AKAP13: variants seen among roughly 807,000 people sequenced by gnomAD.
AKAP13 encodes the protein A-kinase anchor protein 13.
AKAP13 carries 80 observed loss-of-function variants against 264.5 expected under a neutral mutation model. That is an observed-to-expected ratio of 0.30 (90% CI 0.25 to 0.36). The LOEUF (loss-of-function observed/expected upper bound fraction) is 0.36. Ranked by LOEUF, AKAP13 falls within the 10% of genes least tolerant of loss-of-function variation. The pLI, the probability that AKAP13 is intolerant of heterozygous loss-of-function variation, is 1.00. For missense variants in AKAP13, 3,712 were observed against 3,435.2 expected, an observed-to-expected ratio of 1.08 and a Z score of -2.01; for synonymous variants, 1,380 against 1,250.2, an observed-to-expected ratio of 1.10 and a Z score of -2.19.
chr15:85,635,685 T>G (rs2082042518), intron 8 of AKAP13, among the ~76,000 whole-genome samples: 1 of 152,202 alleles, frequency 6.6e-6, no homozygotes, highest in South Asian at 2.1e-4. Context: ...TTTATAGTTT[T>G]AGGTTGAACA....
chr15:85,498,066 G>A (rs939201277), intron 2 of AKAP13, among the ~76,000 whole-genome samples: 2 of 152,056 alleles, frequency 1.3e-5, no homozygotes, highest in Admixed American at 6.5e-5. Context: ...GAGGGTTTTA[G>A]TGTGAGGGAC....
At chr15:85,553,538 T>A (rs1367726923) in intron 5 of AKAP13, among the ~76,000 whole-genome samples, 1 of 152,254 alleles carries the variant, frequency 6.6e-6, no homozygotes, top group Non-Finnish European at 1.5e-5. Context: ...GAAAACTCTT[T>A]AGTTGTTTTT....
Position 85,682,179 on chromosome 15 carries a change from C to T in AKAP13, c.5123C>T (p.Thr1708Ile), listed in dbSNP as rs1457991446. 2 of 1,613,542 alleles carry T rather than the reference C, an allele frequency of 1.2e-6. No homozygotes were observed. The highest frequency in any genetic ancestry group is 8.5e-7 in the Non-Finnish European group (1 of 1,179,942). ...GLDNSRPFHS[T>I]FHNTSANLTE... ...CTAGATTCACGGCCCTTCCACAGTACCTTCCACAATACCAGTGCTAATCTG... is the reference window on the plus strand; with the variant it reads ...CTAGATTCACGGCCCTTCCACAGTATCTTCCACAATACCAGTGCTAATCTG... Residue 1708 changes from threonine to isoleucine, a missense_variant, in exon 15 of 37, where the codon ACC (threonine) becomes ATC (isoleucine). Physicochemically the swap from Thr to Ile is moderately conservative, Grantham distance 89. Transcript: ENST00000394518.
chr15:85,489,214 G>A (rs1329244297), intron 2 of AKAP13, among the ~76,000 whole-genome samples: 1 of 152,176 alleles, frequency 6.6e-6, no homozygotes, highest in East Asian at 1.9e-4. Flanking sequence ...TGTAAACCTT[G>A]TTAAGCTTTA....
rs776632822 is a variant in AKAP13, at chr15:85,727,054, C to G, written c.6823-12C>G. On this transcript the variant is annotated splice_polypyrimidine_tract_variant and intron_variant, in intron 27 of 36. Coordinates refer to ENST00000394518, the MANE Select transcript of AKAP13 (RefSeq NM_007200.5). This position sits in a 1 kb window ranked among gnomAD's most constrained non-coding sequence, Gnocchi z 5.3. ...ATATGTATCTTTTATTTGCCCTCTTCCCTTTTTCCAGGACCAGAAGTCAAC... is the reference window on the plus strand; with the variant it reads ...ATATGTATCTTTTATTTGCCCTCTTGCCTTTTTCCAGGACCAGAAGTCAAC... 6.2e-7 allele frequency: 1 copy of G among 1,613,966 alleles called. No individual in the cohort carries two copies.
At chr15:85,432,959 A>T (rs1030182647) in intron 1 of AKAP13, among the ~76,000 whole-genome samples, 31 of 152,144 alleles carry the variant, frequency 2.0e-4, no homozygotes, top group East Asian at 7.7e-4. Flanking sequence ...AAGAAAAAAA[A>T]ATATACACCC....
At chr15:85,411,825 A>C (rs1231405760) in intron 1 of AKAP13, among the ~76,000 whole-genome samples, 1 of 152,226 alleles carries the variant, frequency 6.6e-6, no homozygotes, top group East Asian at 1.9e-4. Flanking sequence ...GTTATTTGGC[A>C]GATACCTTCT....
Position 85,473,182 on chromosome 15 carries a change from A to C in AKAP13, c.-11-12528A>C, listed in dbSNP as rs567945863. Among the ~76,000 whole-genome samples, 4 of 152,302 alleles carry C rather than the reference A, an allele frequency of 2.6e-5. No homozygotes were observed. In the South Asian group the frequency reaches 8.3e-4, roughly 32 times the overall value. On this transcript the variant is annotated intron_variant, in intron 1 of 36. Coordinates refer to ENST00000394518, the MANE Select transcript of AKAP13 (RefSeq NM_007200.5). ...AAATTAATTTAGGGAAAAAAGACTG[A>C]AGATTTCAAGGTACGGGGTCCTAAA... is the stretch of plus-strand genomic sequence containing the variant.
intron 9 of AKAP13, among the ~76,000 whole-genome samples, chr15:85,644,483 C>T (rs141108516): frequency 2.4e-3 from 367 of 151,378 alleles, no homozygotes; most frequent in Middle Eastern, 0.01. Context: ...GCAGGTGATC[C>T]GCCTGCCTCA....
intron 5 of AKAP13, among the ~76,000 whole-genome samples, chr15:85,573,005 T>G (rs1290694029): frequency 6.6e-6 from 1 of 152,218 alleles, no homozygotes; most frequent in African/African-American, 2.4e-5. Flanking sequence ...GAACTCATCC[T>G]TTTTTATGGC....
intron 2 of AKAP13, among the ~76,000 whole-genome samples, chr15:85,498,047 A>G (rs2075923135): frequency 6.6e-6 from 1 of 151,968 alleles, no homozygotes; most frequent in Non-Finnish European, 1.5e-5. Flanking sequence ...GAGCCACAGA[A>G]TGGCCACTGA....
intron 4 of AKAP13, chr15:85,535,151 A>T (rs2077350512): frequency 6.6e-6 from 1 of 152,240 alleles, no homozygotes; most frequent in Non-Finnish European, 1.5e-5. Context: ...CCCACAGGTG[A>T]GCAGTTCCTG....
chr15:85,492,443 C>A (rs1223537280), intron 2 of AKAP13, among the ~76,000 whole-genome samples: 3 of 152,200 alleles, frequency 2.0e-5, no homozygotes, highest in African/African-American at 7.2e-5. Context: ...ATAACTTCAC[C>A]TCTATCAACT....
At chr15:85,431,577 G>C (rs1045572087) in intron 1 of AKAP13, among the ~76,000 whole-genome samples, 2 of 152,158 alleles carry the variant, frequency 1.3e-5, no homozygotes, top group African/African-American at 4.8e-5. Flanking sequence ...GGATATAAAA[G>C]CTTTGAGGTG....
intron 13 of AKAP13, among the ~76,000 whole-genome samples, chr15:85,665,866 T>A (rs866990772): frequency 8.5e-5 from 13 of 152,342 alleles, no homozygotes; most frequent in Middle Eastern, 6.8e-3. Context: ...AACTCATCCT[T>A]TTTTATGGCT....
At chr15:85,645,055 G>A (rs759664349) in intron 9 of AKAP13, among the ~76,000 whole-genome samples, 3 of 152,220 alleles carry the variant, frequency 2.0e-5, no homozygotes, top group Non-Finnish European at 4.4e-5. Flanking sequence ...AGGAGGTGGA[G>A]GTTGAAGTGA....
At chr15:85,559,793 T>C (rs1032440194) in intron 5 of AKAP13, among the ~76,000 whole-genome samples, 6 of 129,444 alleles carry the variant, frequency 4.6e-5, no homozygotes, top group Non-Finnish European at 8.5e-5. Flanking sequence ...AGCCTGCACT[T>C]ACTTCCTACT....
At position 85,660,873 on chromosome 15, in the gene AKAP13, A is replaced by G. The variant is rs543176133; in HGVS notation, c.4799+2283A>G. Among the ~76,000 whole-genome samples the G allele has an allele frequency of 3.3e-5, 5 of 152,362 alleles. No homozygotes were observed. The South Asian group carries it at 1.0e-3, about 32-fold the overall frequency. ...ATGGTAAAGATTTTTTAAAAGAGCC[A>G]TAGGGGTAGCTCTTACATCCTCCCA... On this transcript the variant is annotated intron_variant, in intron 12 of 36. Coordinates refer to ENST00000394518, the MANE Select transcript of AKAP13 (RefSeq NM_007200.5).
intron 16 of AKAP13, among the ~76,000 whole-genome samples, chr15:85,689,397 G>T (rs1401543661): frequency 6.6e-6 from 1 of 152,170 alleles, no homozygotes; most frequent in Non-Finnish European, 1.5e-5. Context: ...TGTCCAGAGT[G>T]TTCTTTTTAT....
Sources: gnomAD v4.1 joint callset for allele counts (sites outside exome capture counted in the v4.1 genomes callset) on GRCh38, gnomAD v4.1.1 for gene constraint, Gnocchi (gnomAD v3.1) non-coding constraint, MANE v1.5 for transcripts, NCBI Gene and HGNC (gene_info 2026-07-23, HGNC 2026-07-21) for gene names.